The following ZNF236 variants were observed in gnomAD, a reference collection of about 807,000 sequenced individuals.
The protein encoded by ZNF236 is zinc finger protein 236.
ZNF236 carries 50 observed loss-of-function variants against 191.2 expected under a neutral mutation model. The observed-to-expected ratio is 0.26, with a 90% CI of 0.21 to 0.33. The LOEUF is 0.33. Among genes scored for constraint, ZNF236 ranks in the 10% least tolerant of loss-of-function variants. The pLI is 1.00. For synonymous variants in ZNF236, 907 were observed against 928.8 expected (o/e 0.98, Z 0.43); for missense variants, 1,754 against 2,374.5 (o/e 0.74, Z 5.43).
intron 26 of ZNF236, among the ~76,000 whole-genome samples, chr18:76,942,677 AC>A (rs1968159688): frequency 6.7e-6 from 1 of 150,328 alleles, no homozygotes; most frequent in Non-Finnish European, 1.5e-5. Context: ...ATGCCCGGCT[AC>A]CTTTTTTGTT....
At chr18:76,959,538 A>AT in intron 28 of ZNF236, 149 bp from the exon 29 acceptor site, 1 of 909,412 alleles carries the variant, frequency 1.1e-6, no homozygotes, top group South Asian at 2.3e-5. Context: ...CTACCGATGC[A>AT]TTGAAGTCCT....
chr18:76,936,012 C>T (rs773592695), intron 25 of ZNF236: 12 of 457,028 alleles, frequency 2.6e-5, no homozygotes, highest in South Asian at 1.5e-4. Flanking sequence ...TGTGGGACCC[C>T]AGGAGTGTGG....
At chr18:76,964,710 C>G (rs1456700288) in intron 30 of ZNF236, among the ~76,000 whole-genome samples, 2 of 152,024 alleles carry the variant, frequency 1.3e-5, no homozygotes, top group African/African-American at 4.8e-5. Flanking sequence ...TTTTTTAGAT[C>G]TATTAGTAAT....
At position 76,880,236 on chromosome 18, in the gene ZNF236, G is replaced by A. The variant is rs763641666; in HGVS notation, c.1108G>A (p.Ala370Thr). The change falls in exon 8 of 31, where the codon GCG (alanine) becomes ACG (threonine). Residue 370 changes from alanine to threonine, a missense_variant. Transcript: ENST00000320610. The surrounding 1 kb of genome is among the most constrained non-coding windows in gnomAD (Gnocchi z 5.0). ...GCAGCTCCTGGAGCTCTCAGAGCCG[G>A]CGCCGGTGGAGTCGGGGCAGTCCCC... Reference protein sequence around the residue: ...IQQLLELSEPAPVESGQSPQP... With the variant: ...IQQLLELSEPTPVESGQSPQP... 2 of 1,614,140 alleles carry A rather than the reference G, an allele frequency of 1.2e-6. No individual in the cohort carries two copies. Among genetic ancestry groups the A allele is most frequent in the East Asian group, 2.2e-5 (1 of 44,872 alleles).
chr18:76,893,752 A>C (rs1158403196), intron 9 of ZNF236, among the ~76,000 whole-genome samples: 2 of 152,212 alleles, frequency 1.3e-5, no homozygotes, highest in Admixed American at 6.5e-5. Context: ...AGCTCAAGCT[A>C]TCTGTCCGCC....
chr18:76,864,547 T>C (rs1976347686), intron 3 of ZNF236, among the ~76,000 whole-genome samples: 1 of 152,032 alleles, frequency 6.6e-6, no homozygotes, highest in Admixed American at 6.6e-5. Flanking sequence ...GTGTTTGTTC[T>C]GTTTCTCTGG....
chr18:76,915,939 A>G (rs1056856513), intron 19 of ZNF236, 80 bp downstream of exon 19: 1 of 1,359,798 alleles, frequency 7.4e-7, no homozygotes, highest in African/African-American at 1.4e-5. Flanking sequence ...CACCGTGAGT[A>G]TTTTGACGTG....
At chr18:76,866,428 G>A (rs1976406635) in intron 3 of ZNF236, among the ~76,000 whole-genome samples, 3 of 152,162 alleles carry the variant, frequency 2.0e-5, no homozygotes, top group Non-Finnish European at 2.9e-5. Context: ...GATGATGGGG[G>A]GGATCCTGGA....
At chr18:76,885,310 A>G (rs1170527580) in intron 9 of ZNF236, 1 of 152,386 alleles carries the variant, frequency 6.6e-6, no homozygotes, top group Non-Finnish European at 1.5e-5. Flanking sequence ...CTGCCAGGAC[A>G]GAGATTTGTT....
At chr18:76,923,752 C>G (rs1967603907) in intron 21 of ZNF236, among the ~76,000 whole-genome samples, 1 of 152,136 alleles carries the variant, frequency 6.6e-6, no homozygotes, top group South Asian at 2.1e-4. Context: ...AGACAAGGTT[C>G]TCCTCTCAGC....
At chr18:76,863,559 A>G (rs974508307) in intron 3 of ZNF236, among the ~76,000 whole-genome samples, 9 of 152,150 alleles carry the variant, frequency 5.9e-5, no homozygotes, top group Non-Finnish European at 4.4e-5. Context: ...TTGCTGAAAG[A>G]AAAGAATTGT....
intron 3 of ZNF236, among the ~76,000 whole-genome samples, chr18:76,865,828 G>A (rs1449733388): frequency 6.6e-6 from 1 of 152,192 alleles, no homozygotes; most frequent in East Asian, 1.9e-4. Context: ...ATTAAAATTG[G>A]TTTAGAAAAT....
At chr18:76,897,889 T>A (rs1362375101) in intron 10 of ZNF236, among the ~76,000 whole-genome samples, 2 of 152,192 alleles carry the variant, frequency 1.3e-5, no homozygotes, top group Non-Finnish European at 2.9e-5. Flanking sequence ...ACTTGTTGAG[T>A]CTCTTCTATA....
chr18:76,847,507 C>G (rs1456396130), intron 1 of ZNF236, among the ~76,000 whole-genome samples: 1 of 151,810 alleles, frequency 6.6e-6, no homozygotes, highest in Non-Finnish European at 1.5e-5. Flanking sequence ...ACTCTTTCAC[C>G]CAGGCTGGAG....
chr18:76,909,827 A>G (rs1259351953), intron 14 of ZNF236, among the ~76,000 whole-genome samples: 1 of 152,250 alleles, frequency 6.6e-6, no homozygotes, highest in Admixed American at 6.5e-5. Flanking sequence ...ATTTTAGAAT[A>G]TTGTTTAATG....
chr18:76,952,664 C>T (rs1472356056), intron 27 of ZNF236, among the ~76,000 whole-genome samples: 2 of 152,152 alleles, frequency 1.3e-5, no homozygotes, highest in Non-Finnish European at 2.9e-5. Flanking sequence ...CAGAGGTGGC[C>T]AGGCACAGTA....
chr18:76,951,549 C>G (rs1181770158), intron 27 of ZNF236, among the ~76,000 whole-genome samples: 4 of 152,230 alleles, frequency 2.6e-5, no homozygotes, highest in African/African-American at 9.6e-5. Flanking sequence ...GAGTCTTGCT[C>G]TGGATTAGGC....
chr18:76,907,409 C>T lies in ZNF236; in HGVS notation c.2298-911C>T, dbSNP rs532084810. ...CGCTCTGTTGCCCAGGCTGGAGTGC[C>T]GTGGTGCAATTTTGGCTCACTGCAA... On this transcript the variant is annotated intron_variant, in intron 13 of 30. Transcript: ENST00000320610. Among the ~76,000 whole-genome samples, 211 of 152,200 alleles carry T rather than the reference C, an allele frequency of 1.4e-3. 6 individuals carry two copies. Among genetic ancestry groups the T allele is most frequent in the East Asian group, 4.5e-3 (23 of 5,164 alleles).
At chr18:76,967,872 C>T (rs1209425809) in intron 30 of ZNF236, among the ~76,000 whole-genome samples, 1 of 152,088 alleles carries the variant, frequency 6.6e-6, no homozygotes, top group South Asian at 2.1e-4. Flanking sequence ...GTAATTTTTT[C>T]TCTTTAACGT....
Sources: allele counts gnomAD v4.1 joint callset (sites outside exome capture counted in the v4.1 genomes callset), GRCh38; gene constraint gnomAD v4.1.1; non-coding constraint Gnocchi (gnomAD v3.1); transcripts MANE v1.5; gene names NCBI Gene and HGNC (gene_info 2026-07-23, HGNC 2026-07-21).